KCNJ15: variants seen among roughly 807,000 people sequenced by gnomAD.
KCNJ15 encodes the protein ATP-sensitive inward rectifier potassium channel 15.
A neutral mutation model predicts 23.0 loss-of-function variants in KCNJ15; 14 were observed. That is an observed-to-expected ratio of 0.61 (90% CI 0.40 to 0.95). The LOEUF (loss-of-function observed/expected upper bound fraction) is 0.95, where lower values mean the gene tolerates loss of function less well. Ranked by LOEUF, KCNJ15 falls within the 40% of genes least tolerant of loss-of-function variation. The probability of loss-of-function intolerance (pLI) is 0.00; values close to 1 mark genes in which losing one functional copy is unlikely to be tolerated. For synonymous variants in KCNJ15, 185 were observed against 183.2 expected, an observed-to-expected ratio of 1.01 and a Z score of -0.08; for missense variants, 388 against 461.8, an observed-to-expected ratio of 0.84 and a Z score of 1.46.
chr21:38,273,115 T>C (rs973810869), intron 1 of KCNJ15, among the ~76,000 whole-genome samples: 1 of 152,232 alleles, frequency 6.6e-6, no homozygotes, highest in African/African-American at 2.4e-5. Flanking sequence ...TTAGAAAAAG[T>C]ACACATACTG....
intron 1 of KCNJ15, among the ~76,000 whole-genome samples, chr21:38,251,654 C>T (rs1979844451): frequency 6.6e-6 from 1 of 152,154 alleles, no homozygotes; most frequent in African/African-American, 2.4e-5. Context: ...CTTTCATTTT[C>T]CAATTATTTT....
chr21:38,288,018 GTTTTTTTCTTTGTTTTTTT>G (rs1416994332), intron 1 of KCNJ15, among the ~76,000 whole-genome samples: 3 of 26,028 alleles, frequency 1.2e-4, no homozygotes, highest in East Asian at 1.1e-3. Context: ...TAAATAACTT[GTTTTTTTCTTTGTTTTTTT>G]TTTTTTTTTT....
Position 38,299,897 on chromosome 21 carries a change from C to G in KCNJ15, c.636C>G (p.Leu212=), listed in dbSNP as rs1463031760. 2 of 1,614,076 alleles carry G rather than the reference C, an allele frequency of 1.2e-6. No individual in the cohort carries two copies. The highest frequency in any genetic ancestry group is 1.7e-6 in the Non-Finnish European group (2 of 1,180,004). Residue 212 remains leucine (L), a synonymous_variant, in exon 3 of 3, where the codon CTC becomes CTG. Coordinates refer to ENST00000398938, the MANE Select transcript of KCNJ15 (RefSeq NM_170736.3). This position sits in a 1 kb window ranked among gnomAD's most constrained non-coding sequence, Gnocchi z 4.5. ...AGAGCCTCTTGATTCAGTGCCAGCT[C>G]TCTGGCAAGCTCCTGCAGACCCACG... ...MRKSLLIQCQ[L]SGKLLQTHVT...
At chr21:38,256,360 TTA>T (rs56679003), upstream of KCNJ15, among the ~76,000 whole-genome samples, 112 of 106,200 alleles carry the variant, frequency 1.1e-3, 7 homozygotes, top group African/African-American at 4.5e-3. Context: ...TCTATTCAGC[TTA>T]TATATATATA....
At chr21:38,250,807 C>T (rs1438047763) in intron 1 of KCNJ15, among the ~76,000 whole-genome samples, 14 of 152,216 alleles carry the variant, frequency 9.2e-5, no homozygotes, top group South Asian at 6.2e-4. Flanking sequence ...CTACTTTTGT[C>T]TTCTCCAGTT....
In KCNJ15 at chr21:38,305,080, C is replaced by CAAAAAAAAAAAAAAAAAAA. The variant is rs60094452; in HGVS notation, c.*4708_*4709insAAAAAAAAAAAAAAAAAAA. 8.2e-5 allele frequency: 8 copies of CAAAAAAAAAAAAAAAAAAA among 97,760 alleles called. No individual in the cohort carries two copies. The highest frequency in any genetic ancestry group is 1.2e-4 in the Admixed American group (1 of 8,196). The allele number at this position is 97,760 out of a possible 1,614,324, so 6.1% of individuals were successfully genotyped here. On this transcript the variant is annotated 3_prime_UTR_variant, in exon 3 of 3. Transcript: ENST00000398938. Reference sequence around the variant, plus strand: ...GGGCAACAAAAGTAAAACTCCGTCTCAAAAAAAAAAAAAAAAAGAAAAAGA... The same window carrying CAAAAAAAAAAAAAAAAAAA: ...GGGCAACAAAAGTAAAACTCCGTCTCAAAAAAAAAAAAAAAAAAAAAAAAAAAAAAAAAAAAGAAAAAGA...
intron 1 of KCNJ15, among the ~76,000 whole-genome samples, chr21:38,259,443 A>AT (rs918021330): frequency 5.9e-5 from 9 of 152,082 alleles, no homozygotes; most frequent in African/African-American, 1.9e-4. Context: ...AGCTACCGTT[A>AT]TTTTTTTCCC....
At chr21:38,298,173 A>T (rs1288818787) in intron 2 of KCNJ15, 4 of 152,218 alleles carry the variant, frequency 2.6e-5, no homozygotes, top group African/African-American at 7.2e-5. Flanking sequence ...GTCAGTCATC[A>T]GGCAGGTACT....
rs749926649 is a variant in KCNJ15 at position 38,300,043 on chromosome 21, C to T, written c.782C>T (p.Thr261Met). Residue 261 changes from threonine (T) to methionine (M), a missense_variant, in exon 3 of 3, where the codon ACG becomes ATG. Physicochemically the swap from Thr to Met is moderately conservative, Grantham distance 81. Coordinates refer to ENST00000398938, the MANE Select transcript of KCNJ15 (RefSeq NM_170736.3). ...PMTFYHVLDE[T>M]SPLRDLTPQN... ...ACATTCTACCATGTGCTGGATGAGACGAGCCCCCTGAGAGACCTCACACCC... is the reference window on the plus strand; with the variant it reads ...ACATTCTACCATGTGCTGGATGAGATGAGCCCCCTGAGAGACCTCACACCC... The T allele has an allele frequency of 2.1e-5, 34 of 1,614,000 alleles. No individual in the cohort carries two copies. Among genetic ancestry groups the T allele is most frequent in the South Asian group, 9.9e-5 (9 of 91,080 alleles).
At chr21:38,279,822 T>C (rs765214967) in intron 1 of KCNJ15, among the ~76,000 whole-genome samples, 6 of 152,168 alleles carry the variant, frequency 3.9e-5, no homozygotes, top group Non-Finnish European at 8.8e-5. Context: ...TCTCTTTAAC[T>C]CCATGGGTTT....
At chr21:38,298,381 G>A (rs924358670) in intron 2 of KCNJ15, 1 of 152,200 alleles carries the variant, frequency 6.6e-6, no homozygotes, top group Non-Finnish European at 1.5e-5. Flanking sequence ...TTAGTTCTAA[G>A]GAGTAAGGTA....
intron 1 of KCNJ15, 197 bp from the exon 2 acceptor site, chr21:38,296,728 TG>T (rs1395014730): frequency 6.6e-6 from 1 of 152,640 alleles, no homozygotes; most frequent in Non-Finnish European, 1.5e-5. Context: ...GGGAACTGTG[TG>T]GTGAGGGCTG....
At chr21:38,249,900 A>T (rs569253234) in intron 1 of KCNJ15, among the ~76,000 whole-genome samples, 1 of 152,298 alleles carries the variant, frequency 6.6e-6, no homozygotes, top group South Asian at 2.1e-4. Flanking sequence ...TTTTAGCTTA[A>T]TGTATTTGTT....
chr21:38,281,461 A>G (rs1330714780), intron 1 of KCNJ15, among the ~76,000 whole-genome samples: 1 of 152,012 alleles, frequency 6.6e-6, no homozygotes, highest in Non-Finnish European at 1.5e-5. Context: ...TATTGTTCCC[A>G]TATTTATCTC....
intron 1 of KCNJ15, among the ~76,000 whole-genome samples, chr21:38,241,894 G>C (rs1979025105): frequency 6.6e-6 from 1 of 151,358 alleles, no homozygotes; most frequent in East Asian, 1.9e-4. Context: ...GCTTGAACCA[G>C]GGAGGTGGAA....
chr21:38,250,634 A>G (rs1302029551), intron 1 of KCNJ15, among the ~76,000 whole-genome samples: 1 of 152,242 alleles, frequency 6.6e-6, no homozygotes, highest in Non-Finnish European at 1.5e-5. Context: ...AGCAGGTAGA[A>G]TCAAACACCT....
chr21:38,270,289 C>T (rs969216895), intron 1 of KCNJ15, among the ~76,000 whole-genome samples: 25 of 152,248 alleles, frequency 1.6e-4, no homozygotes, highest in African/African-American at 5.8e-4. Context: ...AATCAGATTA[C>T]GAGCCCCTGG....
chr21:38,230,541 G>A (rs1311357488), intron 1 of KCNJ15, among the ~76,000 whole-genome samples: 2 of 151,652 alleles, frequency 1.3e-5, no homozygotes, highest in African/African-American at 4.8e-5. Context: ...TTATACTATT[G>A]TCCAAATTAT....
chr21:38,245,179 C>T (rs1183981639), intron 1 of KCNJ15, among the ~76,000 whole-genome samples: 1 of 151,966 alleles, frequency 6.6e-6, no homozygotes, highest in African/African-American at 2.4e-5. Flanking sequence ...CTGGATTCTA[C>T]GTCGGAGTTT....
Sources: allele counts gnomAD v4.1 joint callset (sites outside exome capture counted in the v4.1 genomes callset), GRCh38; gene constraint gnomAD v4.1.1; non-coding constraint Gnocchi (gnomAD v3.1); transcripts MANE v1.5; gene names NCBI Gene and HGNC (gene_info 2026-07-23, HGNC 2026-07-21).